The following FMNL3 variants were observed in gnomAD, a reference collection of about 807,000 sequenced individuals.
FMNL3 encodes formin-like protein 3.
A neutral mutation model predicts 119.6 loss-of-function variants in FMNL3; 57 were observed. The ratio of observed to expected loss-of-function variants is 0.48; its 90% CI spans 0.39 to 0.59. FMNL3 has a LOEUF of 0.59. Ranked by LOEUF, FMNL3 falls within the 20% of genes least tolerant of loss-of-function variation. The pLI is 0.00. For synonymous variants in FMNL3, 491 were observed against 507.3 expected (o/e 0.97, Z 0.43); for missense variants, 1,053 against 1,323.5 (o/e 0.80, Z 3.17).
intron 5 of FMNL3, chr12:49,659,858 T>A: frequency 1.0e-6 from 1 of 985,454 alleles, no homozygotes; most frequent in South Asian, 4.7e-5. Flanking sequence ...TCTTCCTCCA[T>A]GTAGGTCATT....
At chr12:49,659,132 T>C (rs1943661754) in intron 5 of FMNL3, among the ~76,000 whole-genome samples, 1 of 152,242 alleles carries the variant, frequency 6.6e-6, no homozygotes, top group Non-Finnish European at 1.5e-5. Flanking sequence ...GAAAGGGGGT[T>C]CTGGCAAACC....
intron 12 of FMNL3, 86 bp from the exon 13 acceptor site, chr12:49,653,413 G>A: frequency 7.2e-7 from 1 of 1,384,136 alleles, no homozygotes; most frequent in Non-Finnish European, 1.0e-6. Flanking sequence ...ACCTGAGTCG[G>A]ACCCCTCAAC....
At chr12:49,687,504 A>G (rs933298099) in intron 1 of FMNL3, among the ~76,000 whole-genome samples, 3 of 152,078 alleles carry the variant, frequency 2.0e-5, no homozygotes, top group African/African-American at 7.2e-5. Context: ...GGCACATGCC[A>G]CCACACCTGG....
chr12:49,686,442 G>A (rs1393081049), intron 1 of FMNL3, among the ~76,000 whole-genome samples: 1 of 151,778 alleles, frequency 6.6e-6, no homozygotes. Flanking sequence ...ATTAGGCGTG[G>A]TGGCGGGCGC....
chr12:49,671,091 C>A (rs1365690740), intron 1 of FMNL3, among the ~76,000 whole-genome samples: 2 of 152,238 alleles, frequency 1.3e-5, no homozygotes, highest in African/African-American at 2.4e-5. Flanking sequence ...ACTGCTGTGG[C>A]AGACATCACA....
At chr12:49,670,783 C>A (rs975184017) in intron 1 of FMNL3, among the ~76,000 whole-genome samples, 1 of 152,168 alleles carries the variant, frequency 6.6e-6, no homozygotes, top group Non-Finnish European at 1.5e-5. Flanking sequence ...TTTGTTAAGG[C>A]CAATCTCAGC....
At chr12:49,679,105 TATCTC>T (rs1057501087) in intron 1 of FMNL3, among the ~76,000 whole-genome samples, 4 of 152,190 alleles carry the variant, frequency 2.6e-5, no homozygotes, top group Non-Finnish European at 5.9e-5. Flanking sequence ...CTATATGAAT[TATCTC>T]ATCTAATTCT....
At chr12:49,660,487 C>T (rs1466961325) in intron 5 of FMNL3, among the ~76,000 whole-genome samples, 1 of 152,144 alleles carries the variant, frequency 6.6e-6, no homozygotes, top group East Asian at 1.9e-4. Context: ...GAGAATCACA[C>T]GAGGTATGAC....
Position 49,642,219 on chromosome 12 carries a change from TCC to T in FMNL3, c.*3594_*3595del, listed in dbSNP as rs746016658. 1.4e-4 allele frequency: 229 copies of T among 1,613,948 alleles called. No homozygotes were observed. Among genetic ancestry groups the T allele is most frequent in the Non-Finnish European group, 1.9e-4 (219 of 1,180,000 alleles). On this transcript the variant is annotated 3_prime_UTR_variant, in exon 26 of 26. Transcript: ENST00000335154. The surrounding 1 kb of genome is among the most constrained non-coding windows in gnomAD (Gnocchi z 5.8). Reference sequence around the variant, plus strand: ...CCCTCCTGGGTGACCCTGTTCCGTGTCCCTTCTTTCCTCAGCTGCTGGAGAAA... The same window carrying T: ...CCCTCCTGGGTGACCCTGTTCCGTGTCTTCTTTCCTCAGCTGCTGGAGAAA...
In FMNL3 at chr12:49,652,185, C is replaced by T. The variant is rs754221153; in HGVS notation, c.1351G>A (p.Val451Met). The change falls in exon 14 of 26, where the codon GTG becomes ATG. Residue 451 changes from valine (V) to methionine (M), a missense_variant. Val to Met is a conservative substitution (Grantham distance 21, BLOSUM62 1). Coordinates refer to ENST00000335154, the MANE Select transcript of FMNL3 (RefSeq NM_175736.5). The part of the protein sequence containing the change: ...KETYENTSHQ[V>M]HTLRRLIKEK... ...TTAATGAGCCTCCGCAGGGTGTGCA[C>T]CTGGTGGCTTGTGTTCTCATATGTC... 6.2e-7 allele frequency: 1 copy of T among 1,613,184 alleles called. No homozygotes were observed. The highest frequency in any genetic ancestry group is 2.2e-5 in the East Asian group (1 of 44,882).
intron 4 of FMNL3, among the ~76,000 whole-genome samples, chr12:49,663,585 A>G (rs1367959271): frequency 1.3e-5 from 2 of 152,236 alleles, no homozygotes; most frequent in East Asian, 3.8e-4. Context: ...GATGGCAGGC[A>G]TGCCTAAAAT....
rs1458381216 is a variant in FMNL3, at chr12:49,642,155, C to T, written c.*3660G>A. ...TGGTAGAAGCCCAGACCCTAACTTT[C>T]CACCTCCTAAGGTATGCCTGAGTGG... On this transcript the variant is annotated 3_prime_UTR_variant, in exon 26 of 26. Transcript: ENST00000335154. The surrounding 1 kb of genome is among the most constrained non-coding windows in gnomAD (Gnocchi z 5.8). The T allele has an allele frequency of 1.2e-6, 2 of 1,608,928 alleles. No homozygotes were observed. Among genetic ancestry groups the T allele is most frequent in the African/African-American group, 2.7e-5 (2 of 74,846 alleles).
intron 1 of FMNL3, among the ~76,000 whole-genome samples, chr12:49,696,468 C>T (rs1944753038): frequency 6.6e-6 from 1 of 152,184 alleles, no homozygotes; most frequent in Admixed American, 6.5e-5. Context: ...CAATTCAAGG[C>T]CTTGTTGTTT....
At chr12:49,702,532 A>G (rs1341970632) in intron 1 of FMNL3, among the ~76,000 whole-genome samples, 1 of 152,152 alleles carries the variant, frequency 6.6e-6, no homozygotes, top group Non-Finnish European at 1.5e-5. Context: ...AATAAGTATT[A>G]CTTTAAGAGG....
intron 4 of FMNL3, among the ~76,000 whole-genome samples, chr12:49,664,216 G>GCTA (rs1352138955): frequency 6.6e-6 from 1 of 152,192 alleles, no homozygotes; most frequent in Non-Finnish European, 1.5e-5. Flanking sequence ...GGGCGACAGA[G>GCTA]CTAGACTCCA....
chr12:49,653,544 C>T (rs1326608452), intron 12 of FMNL3, among the ~76,000 whole-genome samples, 181 bp downstream of exon 12: 1 of 152,202 alleles, frequency 6.6e-6, no homozygotes, highest in African/African-American at 2.4e-5. Context: ...CCCTGGAGGT[C>T]GATGTGTATT....
Position 49,637,712 on chromosome 12 carries a change from C to T in FMNL3, c.*8103G>A. On this transcript the variant is annotated 3_prime_UTR_variant, in exon 26 of 26. Transcript: ENST00000335154. ...TTGGGAAGCTGCCGCCCGCCAGGCCCCCCTCCCTCCCTCCTTACAGGCTCC... is the reference window on the plus strand; with the variant it reads ...TTGGGAAGCTGCCGCCCGCCAGGCCTCCCTCCCTCCCTCCTTACAGGCTCC... The T allele has an allele frequency of 6.5e-7, 1 of 1,539,298 alleles. No homozygotes were observed. Among genetic ancestry groups the T allele is most frequent in the Non-Finnish European group, 8.9e-7 (1 of 1,118,750 alleles).
rs763927861 is a variant in FMNL3, at chr12:49,647,854, A to G, written c.2677-50T>C. The stretch of plus-strand genomic sequence containing the variant: ...GTCACCCTGGCAGGAAGATCAGCCC[A>G]GCTCCCACACCACGGATGAGAGGCC... On this transcript the variant is annotated intron_variant, in intron 22 of 25. Coordinates refer to ENST00000335154, the MANE Select transcript of FMNL3 (RefSeq NM_175736.5). This position sits in a 1 kb window ranked among gnomAD's most constrained non-coding sequence, Gnocchi z 4.9. 3 of 1,418,974 alleles carry G rather than the reference A, an allele frequency of 2.1e-6. No individual in the cohort carries two copies. The highest frequency in any genetic ancestry group is 3.0e-6 in the Non-Finnish European group (3 of 1,004,776). The allele number at this position is 1,418,974 out of a possible 1,614,324, so 87.9% of individuals were successfully genotyped here.
At chr12:49,669,593 A>G (rs1943986441) in intron 1 of FMNL3, among the ~76,000 whole-genome samples, 1 of 152,112 alleles carries the variant, frequency 6.6e-6, no homozygotes, top group Non-Finnish European at 1.5e-5. Flanking sequence ...GCACTTTGGG[A>G]GGCCGAGGTG....
Sources: allele counts gnomAD v4.1 joint callset (sites outside exome capture counted in the v4.1 genomes callset), GRCh38; gene constraint gnomAD v4.1.1; non-coding constraint Gnocchi (gnomAD v3.1); transcripts MANE v1.5; gene names NCBI Gene and HGNC (gene_info 2026-07-23, HGNC 2026-07-21).